The following ACTR1B variants were observed in gnomAD, a reference collection of about 807,000 sequenced individuals.
ACTR1B encodes actin related protein 1B.
A neutral mutation model predicts 49.4 loss-of-function variants in ACTR1B; 34 were observed. The observed-to-expected ratio is 0.69, with a 90% CI of 0.52 to 0.92. The LOEUF (loss-of-function observed/expected upper bound fraction) is 0.92. ACTR1B is among the 40% of genes least tolerant of loss of function. The probability of loss-of-function intolerance (pLI) is 0.00; values close to 1 mark genes in which losing one functional copy is unlikely to be tolerated. For synonymous variants in ACTR1B, 207 were observed against 207.8 expected, an observed-to-expected ratio of 1.00 and a Z score of 0.03; for missense variants, 471 against 522.4, an observed-to-expected ratio of 0.90 and a Z score of 0.96.
In ACTR1B at chr2:97,659,142, G is replaced by C; in HGVS notation, c.316-139C>G. ...TCCTGAGGGCCCCATCCCTTTATCT[G>C]CTGGCAGTTACTCTTCCGGAGATCC... On this transcript the variant is annotated intron_variant, in intron 4 of 10. Coordinates refer to ENST00000289228, the MANE Select transcript of ACTR1B (RefSeq NM_005735.4). This position sits in a 1 kb window ranked among gnomAD's most constrained non-coding sequence, Gnocchi z 4.0. 6.8e-7 allele frequency: 1 copy of C among 1,468,274 alleles called. No homozygotes were observed. The allele number at this position is 1,468,274 out of a possible 1,614,324, so 91.0% of individuals were successfully genotyped here. A position where few individuals can be genotyped will look rare whatever the true frequency, so the allele number is the denominator to read the frequency against.
At position 97,662,503 on chromosome 2, in the gene ACTR1B, C is replaced by T. The variant is rs561594708; in HGVS notation, c.49-557G>A. 2.0e-5 allele frequency among the ~76,000 whole-genome samples: 3 copies of T among 151,876 alleles called. No individual in the cohort carries two copies. The East Asian group carries it at 5.8e-4, about 29-fold the overall frequency. On this transcript the variant is annotated intron_variant, in intron 1 of 10. Coordinates refer to ENST00000289228, the MANE Select transcript of ACTR1B (RefSeq NM_005735.4). ...GCCTGCTGGAGAAGACCAATGGGTG[C>T]ATGGGATGACCGGCAGCTTCCCTCA...
At chr2:97,663,727 C>A in intron 1 of ACTR1B, 116 bp downstream of exon 1, 1 of 502,000 alleles carries the variant, frequency 2.0e-6, no homozygotes, top group Non-Finnish European at 2.8e-6. Flanking sequence ...CCGGCGGGGG[C>A]GACGGCCACG....
At position 97,658,193 on chromosome 2, in the gene ACTR1B, T is replaced by C; in HGVS notation, c.750+31A>G. The C allele has an allele frequency of 6.2e-7, 1 of 1,613,764 alleles. No individual in the cohort carries two copies. On this transcript the variant is annotated intron_variant, in intron 7 of 10. Coordinates refer to ENST00000289228, the MANE Select transcript of ACTR1B (RefSeq NM_005735.4). This position sits in a 1 kb window ranked among gnomAD's most constrained non-coding sequence, Gnocchi z 5.9. ...CCCTTCCCCCAGGCTGGGCATCGGC[T>C]GCCACTCCAGTGCCAGGCCCGGCCA...
chr2:97,660,393 T>C (rs545934542), intron 3 of ACTR1B, among the ~76,000 whole-genome samples, 178 bp downstream of exon 3: 1 of 152,240 alleles, frequency 6.6e-6, no homozygotes, highest in Admixed American at 6.5e-5. Flanking sequence ...GCTCTACCCA[T>C]GCTCCCTAGA....
In ACTR1B at chr2:97,658,564, A is replaced by G; in HGVS notation, c.520T>C (p.Phe174Leu). 6.2e-7 allele frequency: 1 copy of G among 1,614,060 alleles called. No homozygotes were observed. ...CGCATGATGGAGTGAGGCATGGCAA[A>G]GCCCTCATAGATGGGCACAGCATGA... ...VTHAVPIYEG[F>L]AMPHSIMRVD... The change falls in exon 6 of 11, where the codon TTT becomes CTT. Residue 174 changes from phenylalanine to leucine, a missense_variant. Transcript: ENST00000289228. This position sits in a 1 kb window ranked among gnomAD's most constrained non-coding sequence, Gnocchi z 5.9.
At chr2:97,657,287 C>G (rs1055864692) in intron 9 of ACTR1B, 95 bp from the exon 10 acceptor site, 117 of 1,546,194 alleles carry the variant, frequency 7.6e-5, no homozygotes, top group Non-Finnish European at 9.7e-5. Flanking sequence ...TGAAGCCTGA[C>G]AGCAAAGGCA....
Position 97,658,600 on chromosome 2 carries a change from C to T in ACTR1B, c.484G>A (p.Asp162Asn), listed in dbSNP as rs946015588. The T allele has an allele frequency of 5.6e-6, 9 of 1,613,952 alleles. No individual in the cohort carries two copies. The highest frequency in any genetic ancestry group is 2.7e-5 in the African/African-American group (2 of 74,876). The change falls in exon 6 of 11, where the codon GAC becomes AAC. Residue 162 changes from aspartate to asparagine, a missense_variant. Coordinates refer to ENST00000289228, the MANE Select transcript of ACTR1B (RefSeq NM_005735.4). This position sits in a 1 kb window ranked among gnomAD's most constrained non-coding sequence, Gnocchi z 5.9. ...ATGGGCACAGCATGAGTGACCCCGT[C>T]CCCTGAGTCTAGAACCACTCCTGTC... ...RTTGVVLDSG[D>N]GVTHAVPIYE... is the part of the protein sequence containing the mutation.
In ACTR1B at chr2:97,658,948, G is replaced by A. The variant is rs762467775; in HGVS notation, c.371C>T (p.Ala124Val). ...PLNPSKNREK[A>V]AEVFFETFNV... ...GAAGGTCTCAAAGAACACCTCTGCC[G>A]CCTTCTCCCGGTTCTTACTCGGGTT... Residue 124 changes from alanine to valine, a missense_variant, in exon 5 of 11, where the codon GCG becomes GTG. Ala to Val is a moderately conservative substitution (Grantham distance 64). Transcript: ENST00000289228. The surrounding 1 kb of genome is among the most constrained non-coding windows in gnomAD (Gnocchi z 5.9). 3.7e-6 allele frequency: 6 copies of A among 1,614,122 alleles called. No homozygotes were observed. Among genetic ancestry groups the A allele is most frequent in the South Asian group, 1.1e-5 (1 of 91,082 alleles).
At chr2:97,660,457 G>T in intron 3 of ACTR1B, 114 bp downstream of exon 3, 1 of 1,065,902 alleles carries the variant, frequency 9.4e-7, no homozygotes, top group South Asian at 1.4e-5. Flanking sequence ...GCACTTCCCA[G>T]CTGGAGCCTG....
In ACTR1B at chr2:97,656,798, G is replaced by C; in HGVS notation, c.*60C>G. ...AGTATACGAGCCAAGACCAAAAAGG[G>C]TTAAAGGCTCTGTCTCCCCTCCCTC... On this transcript the variant is annotated 3_prime_UTR_variant, in exon 11 of 11. Transcript: ENST00000289228. The C allele has an allele frequency of 7.0e-7, 1 of 1,435,590 alleles. No individual in the cohort carries two copies. The highest frequency in any genetic ancestry group is 9.6e-7 in the Non-Finnish European group (1 of 1,042,018). The allele number at this position is 1,435,590 out of a possible 1,614,324, so 88.9% of individuals were successfully genotyped here. A position where few individuals can be genotyped will look rare whatever the true frequency, so the allele number is the denominator to read the frequency against.
intron 3 of ACTR1B, among the ~76,000 whole-genome samples, chr2:97,660,273 C>G (rs980779470): frequency 2.6e-5 from 4 of 152,242 alleles, no homozygotes; most frequent in African/African-American, 9.6e-5. Flanking sequence ...GCCCCATGGC[C>G]CTCATTAGAG....
In ACTR1B at chr2:97,656,466, C is replaced by A; in HGVS notation, c.*392G>T. On this transcript the variant is annotated 3_prime_UTR_variant, in exon 11 of 11. Transcript: ENST00000289228. ...GGATGCAGTGACACACCAGTGGGAG[C>A]TGCTGGCTGCCCCTTGCAGCCCACT... 3.9e-6 allele frequency: 1 copy of A among 254,110 alleles called. No homozygotes were observed. Among genetic ancestry groups the A allele is most frequent in the Non-Finnish European group, 7.8e-6 (1 of 127,804 alleles). The allele number at this position is 254,110 out of a possible 1,614,324, so 15.7% of individuals were successfully genotyped here.
intron 1 of ACTR1B, among the ~76,000 whole-genome samples, chr2:97,662,615 G>A (rs1009663095): frequency 5.9e-5 from 9 of 151,906 alleles, no homozygotes; most frequent in Admixed American, 5.9e-4. Context: ...CAAAGAACGG[G>A]GCAATTAGAA....
chr2:97,663,992 C>T lies in ACTR1B; in HGVS notation c.-102G>A. 4.4e-6 allele frequency: 3 copies of T among 679,840 alleles called. No homozygotes were observed. The highest frequency in any genetic ancestry group is 6.1e-6 in the Non-Finnish European group (3 of 491,298). 42.1% of individuals were successfully genotyped at this position (679,840 alleles called of 1,614,324 possible). A position where few individuals can be genotyped will look rare whatever the true frequency, so the allele number is the denominator to read the frequency against. On this transcript the variant is annotated 5_prime_UTR_variant, in exon 1 of 11. Coordinates refer to ENST00000289228, the MANE Select transcript of ACTR1B (RefSeq NM_005735.4). ...ACGGCGGCGGCTCCCGACGCGGCGC[C>T]GCTGCCCTCCCTCCCCGAGCCTGCA...
rs776897978 is a variant in ACTR1B at position 97,658,578 on chromosome 2, G to A, written c.506C>T (p.Pro169Leu). 74 of 1,613,920 alleles carry A rather than the reference G, an allele frequency of 4.6e-5. No homozygotes were observed. Among genetic ancestry groups the A allele is most frequent in the Non-Finnish European group, 6.2e-5 (73 of 1,180,006 alleles). The change falls in exon 6 of 11, where the codon CCC becomes CTC. Residue 169 changes from proline (P) to leucine (L), a missense_variant. By Grantham distance (98) the Pro-to-Leu change is moderately conservative (BLOSUM62 -3). Coordinates refer to ENST00000289228, the MANE Select transcript of ACTR1B (RefSeq NM_005735.4). This position sits in a 1 kb window ranked among gnomAD's most constrained non-coding sequence, Gnocchi z 5.9. ...DSGDGVTHAV[P>L]IYEGFAMPHS... is the part of the protein sequence containing the mutation. ...AGGCATGGCAAAGCCCTCATAGATG[G>A]GCACAGCATGAGTGACCCCGTCCCC...
Position 97,659,029 on chromosome 2 carries a change from C to A in ACTR1B, c.316-26G>T. 6.2e-7 allele frequency: 1 copy of A among 1,613,744 alleles called. No individual in the cohort carries two copies. Among genetic ancestry groups the A allele is most frequent in the Non-Finnish European group, 8.5e-7 (1 of 1,179,866 alleles). On this transcript the variant is annotated intron_variant, in intron 4 of 10. Coordinates refer to ENST00000289228, the MANE Select transcript of ACTR1B (RefSeq NM_005735.4). This position sits in a 1 kb window ranked among gnomAD's most constrained non-coding sequence, Gnocchi z 4.0. ...CTGCGAGGGACGGGACAGTTGTAGG[C>A]ATCAGAGGAGGCAACTTGCAAGGCC... is the stretch of plus-strand genomic sequence containing the variant.
rs751531607 is a variant in ACTR1B, at chr2:97,658,098, C to T, written c.770G>A (p.Arg257Gln). 3.7e-6 allele frequency: 6 copies of T among 1,613,984 alleles called. No homozygotes were observed. The highest frequency in any genetic ancestry group is 1.1e-5 in the South Asian group (1 of 91,078). Residue 257 changes from arginine to glutamine, a missense_variant, in exon 8 of 11, where the codon CGG becomes CAG. Coordinates refer to ENST00000289228, the MANE Select transcript of ACTR1B (RefSeq NM_005735.4). This position sits in a 1 kb window ranked among gnomAD's most constrained non-coding sequence, Gnocchi z 5.9. ...CGGCTGGAACAGCAGCTCGGGGGCCCGGAATCGTGCAGGCCCCACCTTTAG... is the reference window on the plus strand; with the variant it reads ...CGGCTGGAACAGCAGCTCGGGGGCCTGGAATCGTGCAGGCCCCACCTTTAG... ...STLDVGPARFRAPELLFQPDL... is the reference protein window; with the variant it reads ...STLDVGPARFQAPELLFQPDL...
At chr2:97,661,158 G>C (rs1675003520) in intron 2 of ACTR1B, among the ~76,000 whole-genome samples, 2 of 152,230 alleles carry the variant, frequency 1.3e-5, no homozygotes, top group Admixed American at 1.3e-4. Context: ...AAAGGCAAAG[G>C]AACCTCTAAT....
In ACTR1B at chr2:97,663,814, C is replaced by T. The variant is rs1365846470; in HGVS notation, c.48+29G>A. ...GCGTGCGCCCCCGGGGGCGGGGCGC[C>T]CGCCCTCCCCCTGGCTGCCGGGCCT... On this transcript the variant is annotated intron_variant, in intron 1 of 10. Transcript: ENST00000289228. 4 of 1,361,218 alleles carry T rather than the reference C, an allele frequency of 2.9e-6. No homozygotes were observed. The African/African-American group carries it at 6.1e-5, about 21-fold the overall frequency. The allele number at this position is 1,361,218 out of a possible 1,614,324, so 84.3% of individuals were successfully genotyped here. A position where few individuals can be genotyped will look rare whatever the true frequency, so the allele number is the denominator to read the frequency against.
Sources: allele counts gnomAD v4.1 joint callset (sites outside exome capture counted in the v4.1 genomes callset), GRCh38; gene constraint gnomAD v4.1.1; non-coding constraint Gnocchi (gnomAD v3.1); transcripts MANE v1.5; gene names NCBI Gene and HGNC (gene_info 2026-07-23, HGNC 2026-07-21).